The following POP1 variants were observed in gnomAD, a reference collection of about 807,000 sequenced individuals.
POP1 encodes the protein ribonucleases P/MRP protein subunit POP1.
POP1 carries 75 observed loss-of-function variants against 102.2 expected under a neutral mutation model. That is an observed-to-expected ratio of 0.73 (90% CI 0.61 to 0.89). POP1 has a LOEUF of 0.89. POP1 is among the 40% of genes least tolerant of loss of function. The probability of loss-of-function intolerance (pLI) is 0.00; values close to 1 mark genes in which losing one functional copy is unlikely to be tolerated. For missense variants in POP1, 1,116 were observed against 1,267.4 expected (o/e 0.88, Z 1.81); for synonymous variants, 436 against 464.1 (o/e 0.94, Z 0.78).
chr8:98,128,310 T>G, intron 3 of POP1, 55 bp from the exon 4 acceptor site: 1 of 1,552,710 alleles, frequency 6.4e-7, no homozygotes. Flanking sequence ...GCCTGTTTAT[T>G]CTCCAATGTT....
At chr8:98,131,828 A>T (rs1005581247) in intron 5 of POP1, among the ~76,000 whole-genome samples, 3 of 152,230 alleles carry the variant, frequency 2.0e-5, no homozygotes, top group Non-Finnish European at 4.4e-5. Flanking sequence ...TGAAGTGAAT[A>T]AGAGGACCTT....
chr8:98,139,995 G>C, intron 9 of POP1, 83 bp from the exon 10 acceptor site: 2 of 1,034,618 alleles, frequency 1.9e-6, no homozygotes, highest in Non-Finnish European at 3.0e-6. Context: ...AGAAGAAAGA[G>C]TGGGGGCTGA....
chr8:98,127,799 T>C, intron 3 of POP1, 37 bp downstream of exon 3: 3 of 1,605,790 alleles, frequency 1.9e-6, no homozygotes, highest in Non-Finnish European at 2.6e-6. Context: ...TGCTTGTATT[T>C]TGAACTCTCG....
intron 15 of POP1, among the ~76,000 whole-genome samples, chr8:98,157,107 C>A (rs1809672563): frequency 6.6e-6 from 1 of 152,018 alleles, no homozygotes; most frequent in African/African-American, 2.4e-5. Flanking sequence ...GAACTCCTGA[C>A]CTCAGGTGAC....
intron 13 of POP1, 137 bp downstream of exon 13, chr8:98,149,143 T>A (rs1809447953): frequency 1.2e-6 from 1 of 830,830 alleles, no homozygotes; most frequent in Admixed American, 2.2e-5. Context: ...AGAGCTATAG[T>A]CCTGGATACA....
chr8:98,153,061 G>C (rs10283306), intron 14 of POP1, among the ~76,000 whole-genome samples: 106,028 of 151,980 alleles, frequency 0.7, 38,620 homozygotes, highest in African/African-American at 0.93. Flanking sequence ...CCTCCAACTC[G>C]TGGGCTCAAG....
chr8:98,130,926 T>C (rs1449054845), intron 5 of POP1, among the ~76,000 whole-genome samples: 2 of 152,238 alleles, frequency 1.3e-5, no homozygotes, highest in Non-Finnish European at 2.9e-5. Flanking sequence ...TCTCAGAAGC[T>C]AATTCAGTTG....
chr8:98,151,388 G>A (rs1809509488), intron 14 of POP1, among the ~76,000 whole-genome samples: 1 of 152,190 alleles, frequency 6.6e-6, no homozygotes, highest in African/African-American at 2.4e-5. Context: ...GCCAAGCACT[G>A]TTTTTATATC....
chr8:98,151,045 T>G (rs1809500701), intron 14 of POP1, among the ~76,000 whole-genome samples: 1 of 152,220 alleles, frequency 6.6e-6, no homozygotes, highest in Non-Finnish European at 1.5e-5. Context: ...TATAAAAAGA[T>G]AAATTGGTAT....
intron 4 of POP1, 29 bp downstream of exon 4, chr8:98,128,569 A>C: frequency 6.2e-7 from 1 of 1,607,768 alleles, no homozygotes; most frequent in Non-Finnish European, 8.5e-7. Context: ...GTAAATGTTT[A>C]GATTAGTAGC....
intron 14 of POP1, among the ~76,000 whole-genome samples, chr8:98,154,213 A>G (rs1252784868): frequency 6.6e-6 from 1 of 152,168 alleles, no homozygotes; most frequent in Non-Finnish European, 1.5e-5. Flanking sequence ...ACCGTTAAGA[A>G]CCATCATGAG....
rs779777320 is a variant in POP1 at position 98,140,780 on chromosome 8, C to G, written c.1486C>G (p.Pro496Ala). ...TGTTGTTGTTAAAGGAATAACATCA[C>G]CAGCAGAAATTCCGGCAGGTACTAT... ...IFELLGGITSPAEIPAGTILG... is the reference protein window; with the variant it reads ...IFELLGGITSAAEIPAGTILG... The change falls in exon 11 of 16, where the codon CCA becomes GCA. Residue 496 changes from proline to alanine, a missense_variant. Physicochemically the swap from Pro to Ala is conservative, Grantham distance 27. Coordinates refer to ENST00000401707, the MANE Select transcript of POP1 (RefSeq NM_001145860.2). 1 of 1,613,858 alleles carries G rather than the reference C, an allele frequency of 6.2e-7. No individual in the cohort carries two copies. The highest frequency in any genetic ancestry group is 8.5e-7 in the Non-Finnish European group (1 of 1,179,784).
At position 98,150,505 on chromosome 8, in the gene POP1, C is replaced by A. The variant is rs183628611; in HGVS notation, c.1923C>A (p.Val641=). The A allele has an allele frequency of 1.2e-5, 20 of 1,613,960 alleles. No homozygotes were observed. The highest frequency in any genetic ancestry group is 1.4e-5 in the Non-Finnish European group (17 of 1,180,000). ...WIPFIYRGVR[V]GGLKESAVHS... Reference sequence around the variant, plus strand: ...TTTAGATTTATCGAGGTGTGAGAGTCGGAGGGTTGAAAGAGTCTGCAGTGC... The same window carrying A: ...TTTAGATTTATCGAGGTGTGAGAGTAGGAGGGTTGAAAGAGTCTGCAGTGC... Residue 641 remains valine, a synonymous_variant, in exon 14 of 16, where the codon GTC becomes GTA. Transcript: ENST00000401707.
intron 4 of POP1, among the ~76,000 whole-genome samples, chr8:98,129,013 C>T (rs979659363): frequency 3.3e-5 from 5 of 152,020 alleles, no homozygotes; most frequent in East Asian, 1.9e-4. Flanking sequence ...AACTTCTTCC[C>T]TTCAAACGAA....
chr8:98,156,498 G>C lies in POP1; in HGVS notation c.2420+86G>C, dbSNP rs112219567. The stretch of plus-strand genomic sequence containing the variant: ...CAGGATGTAAGCGTTATCACTGTTT[G>C]TTTATGCAAAATCCAAGTGAATTTA... On this transcript the variant is annotated intron_variant, in intron 15 of 15. Transcript: ENST00000401707. The C allele has an allele frequency of 8.2e-3, 12,609 of 1,537,982 alleles. 413 individuals are homozygous for C. The African/African-American group carries it at 0.084, about 10-fold the overall frequency.
At position 98,134,599 on chromosome 8, in the gene POP1, C is replaced by T. The variant is rs1338338874; in HGVS notation, c.951C>T (p.Thr317=). The change falls in exon 7 of 16, where the codon ACC becomes ACT. Residue 317 remains threonine, a synonymous_variant. Coordinates refer to ENST00000401707, the MANE Select transcript of POP1 (RefSeq NM_001145860.2). ...PVTFIWKSQR[T]PGDPSESRQL... is the part of the protein sequence containing the mutation. ...CGTTTATCTGGAAGTCCCAGAGGAC[C>T]CCGGGTGACCCTTCTGAGAGCAGGC... 6.2e-7 allele frequency: 1 copy of T among 1,613,922 alleles called. No individual in the cohort carries two copies. Among genetic ancestry groups the T allele is most frequent in the African/African-American group, 1.3e-5 (1 of 74,888 alleles).
intron 9 of POP1, 32 bp downstream of exon 9, chr8:98,136,986 C>A: frequency 1.3e-6 from 2 of 1,543,124 alleles, no homozygotes; most frequent in Non-Finnish European, 1.8e-6. Flanking sequence ...GTGTTTTATT[C>A]TAATCATGTT....
chr8:98,136,400 TTA>T (rs1491262467), intron 7 of POP1, 80 bp from the exon 8 acceptor site: 1 of 1,428,434 alleles, frequency 7.0e-7, no homozygotes, highest in Non-Finnish European at 9.4e-7. Flanking sequence ...TTAAAGAGAT[TTA>T]AAAAAAAAAA....
chr8:98,136,398 AT>A (rs113307100), intron 7 of POP1, 83 bp from the exon 8 acceptor site: 58,744 of 1,441,298 alleles, frequency 0.041, 1,133 homozygotes, highest in African/African-American at 0.14. Context: ...TTTTAAAGAG[AT>A]TTAAAAAAAA....
Sources: gnomAD v4.1 joint callset for allele counts (sites outside exome capture counted in the v4.1 genomes callset) on GRCh38, gnomAD v4.1.1 for gene constraint, MANE v1.5 for transcripts, NCBI Gene and HGNC (gene_info 2026-07-23, HGNC 2026-07-21) for gene names.